The following FIRRM variants were observed in gnomAD, a reference collection of about 807,000 sequenced individuals.
The protein encoded by FIRRM is FIGNL1 interacting regulator of recombination and mitosis, also known as FIGNL1-interacting regulator of recombination and mitosis.
At chr1:169,853,355 G>T in the FIRRM span, 1 of 312,864 alleles carries the variant, frequency 3.2e-6, no homozygotes, top group Non-Finnish European at 5.8e-6. Context: ...GTTAAAGAAT[G>T]GCACAAAATT....
the FIRRM span, among the ~76,000 whole-genome samples, chr1:169,818,256 AG>A: frequency 1.3e-5 from 2 of 152,340 alleles, no homozygotes; most frequent in Middle Eastern, 3.4e-3. Flanking sequence ...TATGGAGCCT[AG>A]GACACAGAAC....
chr1:169,793,068 A>G, the FIRRM span: 1 of 1,613,864 alleles, frequency 6.2e-7, no homozygotes, highest in Non-Finnish European at 8.5e-7. Context: ...ATTTCTTTGG[A>G]CCCTCCCTTG....
chr1:169,786,383 A>G, the FIRRM span, among the ~76,000 whole-genome samples: 1 of 152,204 alleles, frequency 6.6e-6, no homozygotes, highest in African/African-American at 2.4e-5. Context: ...TGGAAAGCTT[A>G]GGGAAGAAAA....
chr1:169,809,376 C>T, the FIRRM span, among the ~76,000 whole-genome samples: 6 of 152,162 alleles, frequency 3.9e-5, no homozygotes, highest in East Asian at 1.2e-3. Context: ...AGGTTGTTTT[C>T]TTCTTTACCT....
At chr1:169,830,349 A>C in the FIRRM span, 1 of 1,611,998 alleles carries the variant, frequency 6.2e-7, no homozygotes, top group South Asian at 1.1e-5. Flanking sequence ...TCGGTACAAC[A>C]TATTTGCTTT....
chr1:169,850,341 A>G, the FIRRM span: 1 of 1,599,588 alleles, frequency 6.3e-7, no homozygotes, highest in South Asian at 1.1e-5. Flanking sequence ...TCCTTTCTGG[A>G]GAAGGTACTT....
chr1:169,798,148 G>T, the FIRRM span, among the ~76,000 whole-genome samples: 26 of 152,172 alleles, frequency 1.7e-4, 1 homozygote, highest in Admixed American at 1.2e-3. Context: ...GGGCATGGTG[G>T]TGTGCATCTC....
At chr1:169,800,872 T>G in the FIRRM span, 1 of 1,415,192 alleles carries the variant, frequency 7.1e-7, no homozygotes, top group Non-Finnish European at 9.9e-7. Context: ...AATTTGTTAT[T>G]TGCTTTACAG....
At chr1:169,789,951 C>A in the FIRRM span, among the ~76,000 whole-genome samples, 1 of 152,202 alleles carries the variant, frequency 6.6e-6, no homozygotes, top group Non-Finnish European at 1.5e-5. Context: ...TCAAGGAACT[C>A]TGCTAGGGAT....
At chr1:169,805,860 T>C in the FIRRM span, 1 of 624,452 alleles carries the variant, frequency 1.6e-6, no homozygotes, top group African/African-American at 1.9e-5. Context: ...TAAATAATTC[T>C]TTTGACACAA....
chr1:169,847,596 C>G, the FIRRM span: 1 of 879,696 alleles, frequency 1.1e-6, no homozygotes, highest in South Asian at 1.7e-5. Flanking sequence ...TTTGTTTCCC[C>G]TCCCCACATT....
At chr1:169,807,645 C>A in the FIRRM span, 1 of 625,536 alleles carries the variant, frequency 1.6e-6, no homozygotes, top group South Asian at 3.9e-5. Flanking sequence ...CAGAGGTAAA[C>A]TGGGCACATC....
chr1:169,833,306 C>A, the FIRRM span, among the ~76,000 whole-genome samples: 1 of 151,998 alleles, frequency 6.6e-6, no homozygotes, highest in African/African-American at 2.4e-5. Flanking sequence ...TGAAGTAAGG[C>A]TCAATAATTT....
the FIRRM span, chr1:169,793,849 T>C: frequency 1.9e-4 from 109 of 562,458 alleles, no homozygotes; most frequent in African/African-American, 1.9e-3. Context: ...TATTTAGAGA[T>C]ATTTCCAAAT....
chr1:169,847,176 G>A, the FIRRM span, among the ~76,000 whole-genome samples: 106,724 of 151,888 alleles, frequency 0.7, 37,681 homozygotes, highest in Middle Eastern at 0.85. Flanking sequence ...ACAAATCAGC[G>A]TAATAAAATC....
chr1:169,827,591 T>G, the FIRRM span: 1 of 1,099,578 alleles, frequency 9.1e-7, no homozygotes, highest in Non-Finnish European at 1.3e-6. Context: ...TGAGCTGAGA[T>G]TACACCACTG....
the FIRRM span, chr1:169,823,599 T>C: frequency 3.8e-6 from 2 of 530,762 alleles, no homozygotes; most frequent in South Asian, 7.0e-5. Context: ...TTTTATCTGC[T>C]AGCTTGAAAT....
At chr1:169,853,769 C>G in the FIRRM span, 1 of 1,613,908 alleles carries the variant, frequency 6.2e-7, no homozygotes, top group South Asian at 1.1e-5. Flanking sequence ...CCTTCAGCCT[C>G]TCCCTGCAAC....
the FIRRM span, chr1:169,795,037 G>C: frequency 1.6e-6 from 2 of 1,280,236 alleles, no homozygotes; most frequent in Non-Finnish European, 2.2e-6. Flanking sequence ...AAGGGTTGGC[G>C]GGACTGCGAG....
Sources: gnomAD v4.1 joint callset for allele counts (sites outside exome capture counted in the v4.1 genomes callset) on GRCh38, gnomAD v4.1.1 for gene constraint, MANE v1.5 for transcripts, NCBI Gene and HGNC (gene_info 2026-07-23, HGNC 2026-07-21) for gene names.